The following QTMAN variants were observed in gnomAD, a reference collection of about 807,000 sequenced individuals.
QTMAN encodes queuosine-tRNA mannosyltransferase.
the QTMAN span, among the ~76,000 whole-genome samples, chr2:144,069,596 T>C: frequency 6.6e-6 from 1 of 152,114 alleles, no homozygotes; most frequent in Non-Finnish European, 1.5e-5. Context: ...ATACTGTTTT[T>C]GTGCAAATGT....
the QTMAN span, among the ~76,000 whole-genome samples, chr2:144,304,897 T>C: frequency 6.6e-6 from 1 of 152,248 alleles, no homozygotes; most frequent in Non-Finnish European, 1.5e-5. Context: ...TCTATGCATA[T>C]GCCTACTGTC....
chr2:144,287,484 T>C, the QTMAN span, among the ~76,000 whole-genome samples: 1 of 151,534 alleles, frequency 6.6e-6, no homozygotes, highest in Non-Finnish European at 1.5e-5. Flanking sequence ...ATGAACATAA[T>C]ATGTTCTTTG....
At chr2:143,983,635 G>A in the QTMAN span, among the ~76,000 whole-genome samples, 8 of 151,870 alleles carry the variant, frequency 5.3e-5, no homozygotes, top group South Asian at 2.1e-4. Context: ...CACCATGCCC[G>A]GCTAATTTTT....
chr2:144,006,974 T>C, the QTMAN span: 2 of 423,422 alleles, frequency 4.7e-6, no homozygotes, highest in Non-Finnish European at 8.3e-6. Context: ...AGCAAATAAT[T>C]ACCTGTAATT....
the QTMAN span, among the ~76,000 whole-genome samples, chr2:144,024,090 C>G: frequency 6.6e-6 from 1 of 152,244 alleles, no homozygotes; most frequent in Non-Finnish European, 1.5e-5. Flanking sequence ...CCAGATGGCC[C>G]TGCAGTAAAC....
chr2:144,283,418 GAA>G, the QTMAN span, among the ~76,000 whole-genome samples: 2 of 152,062 alleles, frequency 1.3e-5, no homozygotes, highest in East Asian at 3.8e-4. Context: ...GAACATAGAA[GAA>G]AAAACAGTTG....
chr2:144,140,593 T>C, the QTMAN span, among the ~76,000 whole-genome samples: 9 of 152,138 alleles, frequency 5.9e-5, no homozygotes, highest in East Asian at 9.6e-4. Context: ...CGTAATTACA[T>C]ATATATTCTG....
At chr2:144,145,274 T>C in the QTMAN span, among the ~76,000 whole-genome samples, 4 of 151,916 alleles carry the variant, frequency 2.6e-5, no homozygotes, top group Non-Finnish European at 4.4e-5. Context: ...CCTTAAGCAA[T>C]AGATCATGAA....
chr2:144,180,443 T>C, the QTMAN span, among the ~76,000 whole-genome samples: 3 of 152,122 alleles, frequency 2.0e-5, no homozygotes, highest in Admixed American at 6.6e-5. Context: ...CTTTCTGAAC[T>C]GTTAAAAAAA....
At chr2:144,226,040 G>A in the QTMAN span, among the ~76,000 whole-genome samples, 1 of 152,208 alleles carries the variant, frequency 6.6e-6, no homozygotes, top group Non-Finnish European at 1.5e-5. Context: ...TAAAACAAAA[G>A]AGGTATTCCT....
chr2:144,205,352 CTTTTA>C, the QTMAN span, among the ~76,000 whole-genome samples: 11 of 152,088 alleles, frequency 7.2e-5, no homozygotes, highest in Non-Finnish European at 1.0e-4. Flanking sequence ...TGGCCTTCTT[CTTTTA>C]TAAGTAAAAT....
At chr2:144,120,177 T>C in the QTMAN span, among the ~76,000 whole-genome samples, 1 of 152,212 alleles carries the variant, frequency 6.6e-6, no homozygotes, top group Non-Finnish European at 1.5e-5. Context: ...CTAAAAGTTG[T>C]GAAAAATATC....
At chr2:144,068,287 C>G in the QTMAN span, among the ~76,000 whole-genome samples, 1 of 152,068 alleles carries the variant, frequency 6.6e-6, no homozygotes, top group Non-Finnish European at 1.5e-5. Context: ...ACATTTTCAT[C>G]AAGTGCTGCA....
At chr2:144,269,681 C>A in the QTMAN span, among the ~76,000 whole-genome samples, 1 of 151,750 alleles carries the variant, frequency 6.6e-6, no homozygotes, top group African/African-American at 2.4e-5. Flanking sequence ...AAAAATACAA[C>A]GGGCCAGAAA....
chr2:143,966,318 G>A, the QTMAN span, among the ~76,000 whole-genome samples: 1 of 152,130 alleles, frequency 6.6e-6, no homozygotes, highest in Non-Finnish European at 1.5e-5. Flanking sequence ...GGCTGAGAAC[G>A]GCATCTAGCA....
the QTMAN span, among the ~76,000 whole-genome samples, chr2:143,971,838 C>A: frequency 3.9e-5 from 6 of 152,022 alleles, no homozygotes; most frequent in Non-Finnish European, 8.8e-5. Context: ...AAAATTACAT[C>A]ATTCAGGAAA....
At chr2:143,968,498 A>G in the QTMAN span, among the ~76,000 whole-genome samples, 2 of 152,200 alleles carry the variant, frequency 1.3e-5, no homozygotes, top group African/African-American at 4.8e-5. Flanking sequence ...TCAACCCTCC[A>G]TATTGCTCTA....
the QTMAN span, among the ~76,000 whole-genome samples, chr2:144,150,618 C>T: frequency 1.3e-5 from 2 of 152,154 alleles, no homozygotes; most frequent in African/African-American, 4.8e-5. Context: ...AATACAATTA[C>T]CTGCTTAACT....
the QTMAN span, among the ~76,000 whole-genome samples, chr2:144,295,117 T>C: frequency 6.6e-6 from 1 of 152,176 alleles, no homozygotes; most frequent in Non-Finnish European, 1.5e-5. Flanking sequence ...AAAACCAATC[T>C]CCCTGAAAGC....
Sources: allele counts gnomAD v4.1 joint callset (sites outside exome capture counted in the v4.1 genomes callset), GRCh38; gene constraint gnomAD v4.1.1; transcripts MANE v1.5; gene names NCBI Gene and HGNC (gene_info 2026-07-23, HGNC 2026-07-21).